Variants in SHISA6 observed in about 807,000 individuals in gnomAD.
SHISA6 encodes the protein shisa family member 6.
A neutral mutation model predicts 47.9 loss-of-function variants in SHISA6; 22 were observed. The ratio of observed to expected loss-of-function variants is 0.46; its 90% CI spans 0.33 to 0.66. The LOEUF (loss-of-function observed/expected upper bound fraction) is 0.66, where lower values mean the gene tolerates loss of function less well. Among genes scored for constraint, SHISA6 ranks in the 30% least tolerant of loss-of-function variants. The pLI is 0.02. For missense variants in SHISA6, 680 were observed against 764.6 expected (o/e 0.89, Z 1.30); for synonymous variants, 388 against 337.8 (o/e 1.15, Z -1.63).
intron 2 of SHISA6, among the ~76,000 whole-genome samples, chr17:11,266,544 C>G (rs1165186606): frequency 2.0e-5 from 3 of 152,184 alleles, no homozygotes; most frequent in African/African-American, 4.8e-5. Context: ...GATTCTTTGT[C>G]TTTCCAAGTT....
At chr17:11,485,088 C>A (rs1345953780) in intron 3 of SHISA6, among the ~76,000 whole-genome samples, 1 of 152,150 alleles carries the variant, frequency 6.6e-6, no homozygotes, top group Non-Finnish European at 1.5e-5. Context: ...CAACCTTTTT[C>A]CTTGATGTTC....
At chr17:11,544,190 C>A (rs2071860911) in intron 3 of SHISA6, among the ~76,000 whole-genome samples, 1 of 151,784 alleles carries the variant, frequency 6.6e-6, no homozygotes, top group African/African-American at 2.4e-5. Flanking sequence ...ACCAGAAGCA[C>A]AATGTATAAA....
intron 2 of SHISA6, among the ~76,000 whole-genome samples, chr17:11,378,870 A>G (rs547711053): frequency 6.6e-6 from 1 of 152,328 alleles, no homozygotes; most frequent in South Asian, 2.1e-4. Context: ...AGGTTGTGGT[A>G]TGATTCATAA....
At chr17:11,495,504 A>C (rs1326610616) in intron 3 of SHISA6, among the ~76,000 whole-genome samples, 2 of 152,142 alleles carry the variant, frequency 1.3e-5, no homozygotes, top group Admixed American at 6.5e-5. Context: ...TGCTCTGAGC[A>C]CACATGTGCT....
At chr17:11,284,484 A>C (rs1223398224) in intron 2 of SHISA6, among the ~76,000 whole-genome samples, 1 of 152,152 alleles carries the variant, frequency 6.6e-6, no homozygotes, top group Non-Finnish European at 1.5e-5. Flanking sequence ...TTAGCTGCAC[A>C]TATATTGCTG....
chr17:11,423,043 C>T (rs540616074), intron 3 of SHISA6, among the ~76,000 whole-genome samples: 22 of 151,718 alleles, frequency 1.5e-4, no homozygotes, highest in Middle Eastern at 3.4e-3. Context: ...TAAATGTCTG[C>T]ATGGGTTTTG....
At position 11,467,300 on chromosome 17, in the gene SHISA6, G is replaced by GC. The variant is rs564009059; in HGVS notation, c.896-84596_896-84595insC. Among the ~76,000 whole-genome samples the GC allele has an allele frequency of 1.5e-4, 23 of 152,266 alleles. No homozygotes were observed. In the South Asian group the frequency reaches 4.8e-3, roughly 32 times the overall value. On this transcript the variant is annotated intron_variant, in intron 3 of 5. Coordinates refer to ENST00000441885, the MANE Select transcript of SHISA6 (RefSeq NM_207386.4). ...CACGCTGGTCCCCATCTGAGAGATAGTTCGTGTTTAATTCAAAGATAAACC... is the reference window on the plus strand; with the variant it reads ...CACGCTGGTCCCCATCTGAGAGATAGCTTCGTGTTTAATTCAAAGATAAACC...
chr17:11,267,808 G>T (rs1403806693), intron 2 of SHISA6, among the ~76,000 whole-genome samples: 1 of 152,220 alleles, frequency 6.6e-6, no homozygotes, highest in East Asian at 1.9e-4. Flanking sequence ...TTATCTGAGA[G>T]AGGGAGGAGG....
chr17:11,464,264 TC>T (rs1204720887), intron 3 of SHISA6, among the ~76,000 whole-genome samples: 29 of 152,280 alleles, frequency 1.9e-4, no homozygotes, highest in Admixed American at 3.3e-4. Flanking sequence ...AGCTGTATGA[TC>T]AACAGGTTTT....
chr17:11,339,045 A>G (rs544753256), intron 2 of SHISA6, among the ~76,000 whole-genome samples: 4 of 152,164 alleles, frequency 2.6e-5, no homozygotes, highest in Admixed American at 6.5e-5. Flanking sequence ...TTCATTGAAA[A>G]AAAAAAATCC....
chr17:11,250,362 T>C (rs1907754080), intron 1 of SHISA6, among the ~76,000 whole-genome samples: 1 of 152,208 alleles, frequency 6.6e-6, no homozygotes, highest in Admixed American at 6.5e-5. Flanking sequence ...TGTAGAAATA[T>C]TTGCAAGCCC....
chr17:11,526,116 C>CCA lies in SHISA6; in HGVS notation c.896-25779_896-25778insAC, dbSNP rs1555542458. On this transcript the variant is annotated intron_variant, in intron 3 of 5. Coordinates refer to ENST00000441885, the MANE Select transcript of SHISA6 (RefSeq NM_207386.4). ...GCATGACCCTACCAAGGGGACCCCC[C>CCA]CCCGCTCTCTGCTGATTTGGTGTGG... 3.9e-5 allele frequency among the ~76,000 whole-genome samples: 6 copies of CCA among 152,026 alleles called. No homozygotes were observed. The East Asian group carries it at 1.2e-3, about 29-fold the overall frequency.
At chr17:11,349,224 C>T (rs1205286994) in intron 2 of SHISA6, among the ~76,000 whole-genome samples, 3 of 152,196 alleles carry the variant, frequency 2.0e-5, no homozygotes, top group Admixed American at 2.0e-4. Flanking sequence ...GCCATTGTTT[C>T]TGCCCATCAT....
In SHISA6 at chr17:11,558,325, C is replaced by A; in HGVS notation, c.*21C>A. On this transcript the variant is annotated 3_prime_UTR_variant, in exon 6 of 6. Transcript: ENST00000441885. ...TGTGACCGGCGGGGCAGGGCCGGGG[C>A]TGCTGGGCGTGGCAGAGCAGAGCGG... is the stretch of plus-strand genomic sequence containing the variant. The A allele has an allele frequency of 6.5e-7, 1 of 1,532,586 alleles. No homozygotes were observed. The allele number at this position is 1,532,586 out of a possible 1,614,324, so 94.9% of individuals were successfully genotyped here.
intron 3 of SHISA6, among the ~76,000 whole-genome samples, chr17:11,509,661 ACTAGAG>A (rs1446898300): frequency 2.0e-5 from 3 of 152,224 alleles, no homozygotes; most frequent in Non-Finnish European, 4.4e-5. Flanking sequence ...TATAAGACAG[ACTAGAG>A]CAAATGAATT....
chr17:11,433,820 A>G (rs983186831), intron 3 of SHISA6, among the ~76,000 whole-genome samples: 1 of 151,934 alleles, frequency 6.6e-6, no homozygotes, highest in African/African-American at 2.4e-5. Flanking sequence ...TGCTTACTCC[A>G]CTCAAGATGC....
At chr17:11,323,336 C>T (rs959789077) in intron 2 of SHISA6, among the ~76,000 whole-genome samples, 2 of 152,074 alleles carry the variant, frequency 1.3e-5, no homozygotes, top group African/African-American at 4.8e-5. Flanking sequence ...AGGTCATTGT[C>T]CTCATAACAA....
chr17:11,491,529 C>G (rs1229263144), intron 3 of SHISA6, among the ~76,000 whole-genome samples: 1 of 151,942 alleles, frequency 6.6e-6, no homozygotes, highest in Non-Finnish European at 1.5e-5. Flanking sequence ...GTCTCGAACT[C>G]CTGGCCTCAA....
chr17:11,490,080 A>C (rs1916436902), intron 3 of SHISA6, among the ~76,000 whole-genome samples: 1 of 152,206 alleles, frequency 6.6e-6, no homozygotes, highest in South Asian at 2.1e-4. Flanking sequence ...AGAAATATAC[A>C]GGCCTGGATA....
Sources: gnomAD v4.1 joint callset for allele counts (sites outside exome capture counted in the v4.1 genomes callset) on GRCh38, gnomAD v4.1.1 for gene constraint, MANE v1.5 for transcripts, NCBI Gene and HGNC (gene_info 2026-07-23, HGNC 2026-07-21) for gene names.